SH3BP5: variants seen among roughly 807,000 people sequenced by gnomAD.
SH3BP5 encodes the protein SH3 domain-binding protein 5.
A neutral mutation model predicts 43.3 loss-of-function variants in SH3BP5; 22 were observed. The observed-to-expected ratio is 0.51, with a 90% confidence interval of 0.36 to 0.73. The LOEUF (loss-of-function observed/expected upper bound fraction) is 0.73. Ranked by LOEUF, SH3BP5 falls within the 30% of genes least tolerant of loss-of-function variation. The pLI is 0.00. For synonymous variants in SH3BP5, 255 were observed against 225.8 expected (o/e 1.13, Z -1.16); for missense variants, 529 against 586.9 (o/e 0.90, Z 1.02).
upstream of SH3BP5, among the ~76,000 whole-genome samples, chr3:15,334,522 A>T (rs1205226010): frequency 2.0e-5 from 3 of 151,830 alleles, no homozygotes; most frequent in East Asian, 5.8e-4. Flanking sequence ...GGAGGCCGGG[A>T]GTTCCAGACC....
intron 4 of SH3BP5, among the ~76,000 whole-genome samples, chr3:15,265,144 C>T (rs1250581216): frequency 6.6e-6 from 1 of 152,128 alleles, no homozygotes; most frequent in Non-Finnish European, 1.5e-5. Flanking sequence ...CAGCACATCA[C>T]TGTCCCCTGC....
chr3:15,340,286 T>C (rs1698750809), intron 1 of SH3BP5, among the ~76,000 whole-genome samples: 1 of 152,208 alleles, frequency 6.6e-6, no homozygotes, highest in Non-Finnish European at 1.5e-5. Flanking sequence ...CTTAAAATAA[T>C]GTTAAGAAAT....
intron 2 of SH3BP5, among the ~76,000 whole-genome samples, chr3:15,305,473 C>G (rs112687591): frequency 2.6e-5 from 4 of 152,120 alleles, no homozygotes; most frequent in African/African-American, 9.7e-5. Flanking sequence ...TATTACAGCC[C>G]GTTCCAGAAA....
In SH3BP5 at chr3:15,330,431, G is replaced by A. The variant is rs149825084; in HGVS notation, c.201+73C>T. On this transcript the variant is annotated intron_variant, in intron 2 of 8. Transcript: ENST00000383791. Reference sequence around the variant, plus strand: ...CCAGCAATAACACTCCAGCTATGAAGACAAAATTAACCAGCCTTGTGCCGG... The same window carrying A: ...CCAGCAATAACACTCCAGCTATGAAAACAAAATTAACCAGCCTTGTGCCGG... The A allele has an allele frequency of 1.2e-5, 15 of 1,292,840 alleles. No homozygotes were observed. The East Asian group carries it at 1.9e-4, about 16-fold the overall frequency. 80.1% of individuals were successfully genotyped at this position (1,292,840 alleles called of 1,614,324 possible).
At chr3:15,314,871 G>GC (rs1337497558) in intron 2 of SH3BP5, among the ~76,000 whole-genome samples, 2 of 152,116 alleles carry the variant, frequency 1.3e-5, no homozygotes, top group African/African-American at 4.8e-5. Flanking sequence ...AGGAGTAGGG[G>GC]CCCCTCAGAG....
rs564580273 is a variant in SH3BP5, at chr3:15,306,452, G to A, written c.202-2221C>T. Among the ~76,000 whole-genome samples the A allele has an allele frequency of 6.6e-5, 10 of 152,270 alleles. No individual in the cohort carries two copies. In the South Asian group the frequency reaches 2.1e-3, roughly 32 times the overall value. The stretch of plus-strand genomic sequence containing the variant: ...AAGCCCAGAAGGTTGAGGCCGCAGT[G>A]AGCCAAGATCACACCACTGCACTCC... On this transcript the variant is annotated intron_variant, in intron 2 of 8. Transcript: ENST00000383791.
intron 3 of SH3BP5, among the ~76,000 whole-genome samples, chr3:15,286,251 G>A (rs1051273872): frequency 2.6e-5 from 4 of 152,208 alleles, no homozygotes; most frequent in Non-Finnish European, 5.9e-5. Flanking sequence ...ACAGGGCCAG[G>A]GTAGCAGCTC....
intron 3 of SH3BP5, among the ~76,000 whole-genome samples, chr3:15,300,705 C>T (rs527947066): frequency 1.4e-4 from 22 of 152,216 alleles, no homozygotes; most frequent in Middle Eastern, 3.4e-3. Flanking sequence ...CCTTCCAGTT[C>T]CTTCGCTATT....
chr3:15,312,743 A>G (rs1418133646), intron 2 of SH3BP5, among the ~76,000 whole-genome samples: 2 of 152,350 alleles, frequency 1.3e-5, no homozygotes, highest in South Asian at 4.1e-4. Flanking sequence ...CCAGGCTCAG[A>G]GCCTTCCGTA....
rs1696123015 is a variant in SH3BP5, at chr3:15,254,484, T to G, written c.*1602A>C. 1 of 151,406 alleles carries G rather than the reference T, an allele frequency of 6.6e-6. No individual in the cohort carries two copies. Among genetic ancestry groups the G allele is most frequent in the Admixed American group, 6.6e-5 (1 of 15,266 alleles). 9.4% of individuals were successfully genotyped at this position (151,406 alleles called of 1,614,324 possible). ...CATTTGAATTCCCTCGGGGAGCTTT[T>G]AAAAGTCTAATGCCCCAGTGTACCC... is the stretch of plus-strand genomic sequence containing the variant. On this transcript the variant is annotated 3_prime_UTR_variant, in exon 9 of 9. Transcript: ENST00000383791.
chr3:15,279,730 T>C lies in SH3BP5; in HGVS notation c.331-9853A>G, dbSNP rs542345723. 2.0e-5 allele frequency among the ~76,000 whole-genome samples: 3 copies of C among 152,210 alleles called. No homozygotes were observed. The South Asian group carries it at 6.2e-4, about 32-fold the overall frequency. On this transcript the variant is annotated intron_variant, in intron 3 of 8. Transcript: ENST00000383791. The stretch of plus-strand genomic sequence containing the variant: ...CAGTTTCTGGCAAGACAATCCCTAC[T>C]GCCAACAGTCATCCAGACTAACCAG...
At chr3:15,338,726 G>GA (rs113668358) in intron 1 of SH3BP5, among the ~76,000 whole-genome samples, 257 of 142,592 alleles carry the variant, frequency 1.8e-3, no homozygotes, top group Non-Finnish European at 2.2e-3. Flanking sequence ...AAGGTCCCCC[G>GA]AAAAAAAAAA....
chr3:15,294,077 CAAAA>C (rs111324706), intron 3 of SH3BP5, among the ~76,000 whole-genome samples: 3 of 70,940 alleles, frequency 4.2e-5, no homozygotes, highest in Admixed American at 3.3e-4. Context: ...GTCTCCATCT[CAAAA>C]AAAAAAAAAA....
intron 3 of SH3BP5, among the ~76,000 whole-genome samples, chr3:15,271,193 C>A (rs1416792743): frequency 6.6e-6 from 1 of 151,860 alleles, no homozygotes; most frequent in Admixed American, 6.6e-5. Context: ...GCCTGGGAAA[C>A]ATAGCAAGAC....
In SH3BP5 at chr3:15,332,413, G is replaced by A. The variant is rs1387285278; in HGVS notation, c.-5C>T. 3.3e-6 allele frequency: 5 copies of A among 1,531,734 alleles called. No homozygotes were observed. In the East Asian group the frequency reaches 7.4e-5, roughly 23 times the overall value. The allele number at this position is 1,531,734 out of a possible 1,614,324, so 94.9% of individuals were successfully genotyped here. A position where few individuals can be genotyped will look rare whatever the true frequency, so the allele number is the denominator to read the frequency against. On this transcript the variant is annotated 5_prime_UTR_variant, in exon 1 of 9. Transcript: ENST00000383791. ...CCGCTTCAGTGCCGCGTCCATGCAG[G>A]CAGCCGGCACGCGCGCCGCGCAGTG...
chr3:15,267,844 G>T (rs765899079), intron 4 of SH3BP5, among the ~76,000 whole-genome samples: 7 of 151,926 alleles, frequency 4.6e-5, no homozygotes, highest in Non-Finnish European at 1.0e-4. Context: ...CAGAAGCATG[G>T]TTTGTTTATC....
Position 15,332,510 on chromosome 3 carries a change from G to A in SH3BP5, c.-102C>T. 2.4e-6 allele frequency: 3 copies of A among 1,266,954 alleles called. No homozygotes were observed. Among genetic ancestry groups the A allele is most frequent in the Non-Finnish European group, 3.0e-6 (3 of 1,010,690 alleles). The allele number at this position is 1,266,954 out of a possible 1,614,324, so 78.5% of individuals were successfully genotyped here. A position where few individuals can be genotyped will look rare whatever the true frequency, so the allele number is the denominator to read the frequency against. ...AGCCGCCTCGCCACAGCCGGGCACG[G>A]TCGGGGAGCCGCCGGGGCCGACACC... On this transcript the variant is annotated 5_prime_UTR_variant, in exon 1 of 9. Coordinates refer to ENST00000383791, the MANE Select transcript of SH3BP5 (RefSeq NM_004844.5).
chr3:15,332,294 C>G lies in SH3BP5; in HGVS notation c.115G>C (p.Glu39Gln). The G allele has an allele frequency of 6.5e-7, 1 of 1,548,610 alleles. No homozygotes were observed. Among genetic ancestry groups the G allele is most frequent in the Non-Finnish European group, 8.7e-7 (1 of 1,149,150 alleles). ...EGMEQGLEEE[E>Q]EVDPRIQGEL... The stretch of plus-strand genomic sequence containing the variant: ...ACCTGGATCCGGGGATCCACCTCTT[C>G]TTCCTCCTCCAGCCCCTGCTCCATC... Residue 39 changes from glutamate (E) to glutamine (Q), a missense_variant, in exon 1 of 9, where the codon GAA (glutamate) becomes CAA (glutamine). Glu to Gln is a conservative substitution (Grantham distance 29, BLOSUM62 2). Coordinates refer to ENST00000383791, the MANE Select transcript of SH3BP5 (RefSeq NM_004844.5).
chr3:15,317,235 C>T (rs1357751616), intron 2 of SH3BP5, among the ~76,000 whole-genome samples: 1 of 152,208 alleles, frequency 6.6e-6, no homozygotes, highest in Non-Finnish European at 1.5e-5. Flanking sequence ...GTCTTAGAAT[C>T]AGGGCGATAT....
Sources: allele counts gnomAD v4.1 joint callset (sites outside exome capture counted in the v4.1 genomes callset), GRCh38; gene constraint gnomAD v4.1.1; transcripts MANE v1.5; gene names NCBI Gene and HGNC (gene_info 2026-07-23, HGNC 2026-07-21).